GABBR2: variants seen among roughly 807,000 people sequenced by gnomAD.
The protein encoded by GABBR2 is gamma-aminobutyric acid type B receptor subunit 2.
Under a neutral mutation model 105.6 loss-of-function variants are expected in GABBR2, and 23 were observed. The observed-to-expected ratio is 0.22, with a 90% CI of 0.16 to 0.31. GABBR2 has a LOEUF of 0.31. Among genes scored for constraint, GABBR2 ranks in the 10% least tolerant of loss-of-function variants. The probability of loss-of-function intolerance (pLI) is 1.00; values close to 1 mark genes in which losing one functional copy is unlikely to be tolerated. For missense variants in GABBR2, 734 were observed against 1,245.5 expected (o/e 0.59, Z 6.18); for synonymous variants, 478 against 499.7 (o/e 0.96, Z 0.58).
At chr9:98,461,784 T>A (rs1308042405) in intron 6 of GABBR2, among the ~76,000 whole-genome samples, 1 of 152,208 alleles carries the variant, frequency 6.6e-6, no homozygotes, top group Non-Finnish European at 1.5e-5. Flanking sequence ...CATCTGCTTC[T>A]GGTAAGGGCC....
chr9:98,358,408 C>A (rs550178456), intron 13 of GABBR2, among the ~76,000 whole-genome samples: 54 of 152,372 alleles, frequency 3.5e-4, no homozygotes, highest in Admixed American at 3.5e-3. Flanking sequence ...CGGCCTCTGC[C>A]TGAGTGCTCC....
chr9:98,480,638 ACCCT>A (rs1826899060), intron 5 of GABBR2, among the ~76,000 whole-genome samples: 1 of 152,098 alleles, frequency 6.6e-6, no homozygotes, highest in African/African-American at 2.4e-5. Flanking sequence ...CTTCAGCCTC[ACCCT>A]GATTTCTGGT....
chr9:98,596,824 C>T (rs751399508), intron 1 of GABBR2, among the ~76,000 whole-genome samples: 2 of 152,296 alleles, frequency 1.3e-5, no homozygotes, highest in Admixed American at 6.5e-5. Flanking sequence ...GACCCCCTCC[C>T]CTTAACAGCT....
intron 13 of GABBR2, among the ~76,000 whole-genome samples, chr9:98,312,263 C>G (rs930829631): frequency 3.3e-5 from 5 of 152,196 alleles, no homozygotes; most frequent in Non-Finnish European, 5.9e-5. Context: ...ACTTACGTGT[C>G]TTTGGTTTCC....
At chr9:98,689,711 G>A (rs556209166) in intron 1 of GABBR2, among the ~76,000 whole-genome samples, 8 of 152,162 alleles carry the variant, frequency 5.3e-5, no homozygotes, top group Non-Finnish European at 1.0e-4. Flanking sequence ...CAGGGTTTAT[G>A]GCACGGTTAT....
Position 98,359,882 on chromosome 9 carries a change from A to G in GABBR2, c.1893+2833T>C, listed in dbSNP as rs1169811438. Among the ~76,000 whole-genome samples, 3 of 151,892 alleles carry G rather than the reference A, an allele frequency of 2.0e-5. No homozygotes were observed. The East Asian group carries it at 5.8e-4, about 29-fold the overall frequency. On this transcript the variant is annotated intron_variant, in intron 13 of 18. Coordinates refer to ENST00000259455, the MANE Select transcript of GABBR2 (RefSeq NM_005458.8). Reference sequence around the variant, plus strand: ...GGAATGTTTGGGATGCTGGGGGAGGAAGTGAGGCAGAGCAGGTTCTCGACT... The same window carrying G: ...GGAATGTTTGGGATGCTGGGGGAGGGAGTGAGGCAGAGCAGGTTCTCGACT...
chr9:98,568,876 G>A (rs1322521159), intron 2 of GABBR2, among the ~76,000 whole-genome samples: 1 of 152,106 alleles, frequency 6.6e-6, no homozygotes, highest in Non-Finnish European at 1.5e-5. Flanking sequence ...TTTCAACACT[G>A]GGCTTGACTG....
intron 7 of GABBR2, among the ~76,000 whole-genome samples, chr9:98,422,372 G>C (rs1832796973): frequency 6.6e-6 from 1 of 152,164 alleles, no homozygotes; most frequent in African/African-American, 2.4e-5. Context: ...CAGGCATTCA[G>C]GACAGCGTCT....
intron 1 of GABBR2, among the ~76,000 whole-genome samples, chr9:98,630,678 T>A (rs1456691787): frequency 6.6e-6 from 1 of 152,032 alleles, no homozygotes; most frequent in East Asian, 1.9e-4. Flanking sequence ...ATTGAGAAAC[T>A]AAATTTTCAA....
intron 1 of GABBR2, among the ~76,000 whole-genome samples, chr9:98,690,689 G>A (rs185932457): frequency 1.4e-3 from 211 of 152,218 alleles, no homozygotes; most frequent in Middle Eastern, 0.01. Flanking sequence ...AGTGGCCCCC[G>A]GAGTGCTGCT....
intron 13 of GABBR2, among the ~76,000 whole-genome samples, chr9:98,356,003 C>T (rs1831476712): frequency 6.6e-6 from 1 of 152,168 alleles, no homozygotes; most frequent in South Asian, 2.1e-4. Context: ...AACTGGACAA[C>T]ACGCAAAAGG....
intron 1 of GABBR2, among the ~76,000 whole-genome samples, chr9:98,603,834 C>G (rs1829376253): frequency 6.6e-6 from 1 of 152,210 alleles, no homozygotes; most frequent in Non-Finnish European, 1.5e-5. Context: ...CTGAGAGCTT[C>G]AGGGACCATA....
At position 98,320,867 on chromosome 9, in the gene GABBR2, T is replaced by C. The variant is rs137972132; in HGVS notation, c.1894-9662A>G. Among the ~76,000 whole-genome samples the C allele has an allele frequency of 1.2e-3, 182 of 150,846 alleles. 5 individuals are homozygous for C. The East Asian group carries it at 0.022, about 19-fold the overall frequency. ...GGGGGAGGGATAGCATTGGGAGATA[T>C]ACTTAATACTAGATGACGAGTTAGT... On this transcript the variant is annotated intron_variant, in intron 13 of 18. Transcript: ENST00000259455.
intron 1 of GABBR2, among the ~76,000 whole-genome samples, chr9:98,676,798 GA>G (rs1473391834): frequency 1.4e-4 from 21 of 152,224 alleles, no homozygotes; most frequent in Non-Finnish European, 2.6e-4. Context: ...TCAACTTACT[GA>G]AGCCGCTGTA....
intron 2 of GABBR2, among the ~76,000 whole-genome samples, chr9:98,544,982 A>C (rs1159719845): frequency 6.6e-6 from 1 of 152,226 alleles, no homozygotes; most frequent in Non-Finnish European, 1.5e-5. Context: ...AGAAGGAGCT[A>C]TTAGAAAAAC....
At chr9:98,308,734 T>G (rs1830590222) in intron 14 of GABBR2, among the ~76,000 whole-genome samples, 1 of 152,224 alleles carries the variant, frequency 6.6e-6, no homozygotes, top group Non-Finnish European at 1.5e-5. Context: ...GATTCTCTCC[T>G]GGAGCCTTCA....
chr9:98,366,544 T>C (rs1225905816), intron 12 of GABBR2, among the ~76,000 whole-genome samples: 2 of 152,332 alleles, frequency 1.3e-5, no homozygotes, highest in East Asian at 3.9e-4. Flanking sequence ...AAAACTTGGC[T>C]GATGCTTGGT....
At chr9:98,307,292 C>G (rs757510863) in intron 14 of GABBR2, among the ~76,000 whole-genome samples, 1 of 151,998 alleles carries the variant, frequency 6.6e-6, no homozygotes, top group African/African-American at 2.4e-5. Context: ...AGCAGGGTGT[C>G]GAGGGTTTAA....
At chr9:98,488,516 C>T (rs1302506796) in intron 4 of GABBR2, among the ~76,000 whole-genome samples, 4 of 152,068 alleles carry the variant, frequency 2.6e-5, no homozygotes, top group Non-Finnish European at 2.9e-5. Context: ...GAGTAGAAAG[C>T]CTGGCTCAAT....
Sources: gnomAD v4.1 joint callset for allele counts (sites outside exome capture counted in the v4.1 genomes callset) on GRCh38, gnomAD v4.1.1 for gene constraint, MANE v1.5 for transcripts, NCBI Gene and HGNC (gene_info 2026-07-23, HGNC 2026-07-21) for gene names.